PAMR1: variants seen among roughly 807,000 people sequenced by gnomAD.
PAMR1 encodes peptidase domain containing associated with muscle regeneration 1.
PAMR1 carries 88 observed loss-of-function variants against 81.8 expected under a neutral mutation model. The observed-to-expected ratio is 1.08, with a 90% CI of 0.91 to 1.28. The LOEUF is 1.28. Among genes scored for constraint, PAMR1 ranks in the 50% most tolerant of loss-of-function variants. The probability of loss-of-function intolerance (pLI) is 0.00; values close to 1 mark genes in which losing one functional copy is unlikely to be tolerated. For synonymous variants in PAMR1, 336 were observed against 345.3 expected (o/e 0.97, Z 0.30); for missense variants, 935 against 919.7 (o/e 1.02, Z -0.21).
Position 35,494,212 on chromosome 11 carries a change from C to A in PAMR1, c.134G>T (p.Cys45Phe). ...GCACTCAATCTGATCATATTCACAG[C>A]ACTCCCGACACATGATATTCCACTC... ...GAEWNIMCRE[C>F]CEYDQIECVC... The change falls in exon 2 of 11, where the codon TGC becomes TTC. Residue 45 changes from cysteine (C) to phenylalanine (F), a missense_variant. Coordinates refer to ENST00000619888, the MANE Select transcript of PAMR1 (RefSeq NM_001001991.3). 1 of 1,614,146 alleles carries A rather than the reference C, an allele frequency of 6.2e-7. No individual in the cohort carries two copies. Among genetic ancestry groups the A allele is most frequent in the South Asian group, 1.1e-5 (1 of 91,090 alleles).
At chr11:35,480,071 C>CTCCCCCT (rs1850358018) in intron 3 of PAMR1, among the ~76,000 whole-genome samples, 2 of 152,298 alleles carry the variant, frequency 1.3e-5, no homozygotes, top group East Asian at 3.9e-4. Context: ...TCCCCCATGA[C>CTCCCCCT]GCAGTTCCAC....
At chr11:35,455,918 A>G (rs1162517756) in intron 6 of PAMR1, among the ~76,000 whole-genome samples, 1 of 148,960 alleles carries the variant, frequency 6.7e-6, no homozygotes, top group Non-Finnish European at 1.5e-5. Flanking sequence ...AAAAAAAAAA[A>G]GATTTGGGGC....
chr11:35,524,813 A>G (rs7942841), intron 1 of PAMR1, among the ~76,000 whole-genome samples: 22,901 of 152,194 alleles, frequency 0.15, 2,159 homozygotes, highest in Admixed American at 0.25. Context: ...CCAGAAGCCC[A>G]TTTGACCTGG....
chr11:35,491,539 G>T (rs1850626143), intron 3 of PAMR1, among the ~76,000 whole-genome samples: 1 of 152,152 alleles, frequency 6.6e-6, no homozygotes, highest in Non-Finnish European at 1.5e-5. Context: ...AAGAACTGTT[G>T]AAACTCACAG....
At chr11:35,457,044 G>A (rs1397005155) in intron 6 of PAMR1, among the ~76,000 whole-genome samples, 2 of 152,160 alleles carry the variant, frequency 1.3e-5, no homozygotes, top group African/African-American at 2.4e-5. Context: ...GAAACAACTA[G>A]ATGGTGATCT....
chr11:35,432,130 C>A lies in PAMR1; in HGVS notation c.*226G>T. 1.8e-6 allele frequency: 1 copy of A among 556,754 alleles called. No individual in the cohort carries two copies. The highest frequency in any genetic ancestry group is 3.0e-5 in the East Asian group (1 of 33,882). The allele number at this position is 556,754 out of a possible 1,614,324, so 34.5% of individuals were successfully genotyped here. A position where few individuals can be genotyped will look rare whatever the true frequency, so the allele number is the denominator to read the frequency against. On this transcript the variant is annotated 3_prime_UTR_variant, in exon 11 of 11. Transcript: ENST00000619888. Reference sequence around the variant, plus strand: ...CTTCTTTGAAGAAACTTACTTCTTGCAAGCCCTGGCATCTTCCAATTGGCT... The same window carrying A: ...CTTCTTTGAAGAAACTTACTTCTTGAAAGCCCTGGCATCTTCCAATTGGCT...
At chr11:35,479,081 A>G (rs556692457) in intron 3 of PAMR1, among the ~76,000 whole-genome samples, 12 of 152,314 alleles carry the variant, frequency 7.9e-5, no homozygotes, top group African/African-American at 2.9e-4. Context: ...AGCCTCAGAC[A>G]AAAGTCTTCT....
chr11:35,486,488 G>T (rs915458428), intron 3 of PAMR1, among the ~76,000 whole-genome samples: 3 of 152,190 alleles, frequency 2.0e-5, no homozygotes, highest in Non-Finnish European at 2.9e-5. Flanking sequence ...CTTTTGACTG[G>T]ATGGGTAGAT....
At chr11:35,511,210 T>C (rs1851066716) in intron 1 of PAMR1, among the ~76,000 whole-genome samples, 1 of 152,206 alleles carries the variant, frequency 6.6e-6, no homozygotes, top group African/African-American at 2.4e-5. Flanking sequence ...AACTATCCAA[T>C]ACTGGTCCGT....
In PAMR1 at chr11:35,494,141, A is replaced by T; in HGVS notation, c.205T>A (p.Cys69Ser). ...TCACACTCATTCTCCTCATTCCTGC[A>T]GCAAGGGATGGTATAACCCACGACT... The part of the protein sequence containing the change: ...REVVGYTIPC[C>S]RNEENECDSC... Residue 69 changes from cysteine to serine, a missense_variant, in exon 2 of 11, where the codon TGC (cysteine) becomes AGC (serine). Cys to Ser is a moderately radical substitution (Grantham distance 112). Coordinates refer to ENST00000619888, the MANE Select transcript of PAMR1 (RefSeq NM_001001991.3). 6.2e-7 allele frequency: 1 copy of T among 1,614,144 alleles called. No homozygotes were observed. Among genetic ancestry groups the T allele is most frequent in the Non-Finnish European group, 8.5e-7 (1 of 1,179,970 alleles).
chr11:35,512,496 C>T (rs1851091393), intron 1 of PAMR1, among the ~76,000 whole-genome samples: 2 of 152,122 alleles, frequency 1.3e-5, no homozygotes, highest in African/African-American at 2.4e-5. Flanking sequence ...GAGTTCATGC[C>T]TCTGACTTTA....
At chr11:35,439,089 C>A (rs145248175) in intron 8 of PAMR1, among the ~76,000 whole-genome samples, 1 of 152,224 alleles carries the variant, frequency 6.6e-6, no homozygotes, top group Non-Finnish European at 1.5e-5. Context: ...AGGGGCTACT[C>A]CCTCCCCACC....
chr11:35,434,432 C>T, intron 10 of PAMR1, 80 bp downstream of exon 10: 1 of 1,398,648 alleles, frequency 7.1e-7, no homozygotes, highest in Non-Finnish European at 9.9e-7. Context: ...GGGGACAGAG[C>T]TTGGTATAAT....
At chr11:35,508,081 A>G (rs1851004054) in intron 1 of PAMR1, among the ~76,000 whole-genome samples, 1 of 152,144 alleles carries the variant, frequency 6.6e-6, no homozygotes, top group African/African-American at 2.4e-5. Flanking sequence ...TGTGGATGGT[A>G]GTCCTTTCTT....
In PAMR1 at chr11:35,477,916, C is replaced by T. The variant is rs187699114; in HGVS notation, c.380-3172G>A. On this transcript the variant is annotated intron_variant, in intron 3 of 10. Transcript: ENST00000619888. ...TCTGCACACCTCACACTCCTCATCG[C>T]CCCCATCTACCCATCTGCTGCTGGG... Among the ~76,000 whole-genome samples, 390 of 152,254 alleles carry T rather than the reference C, an allele frequency of 2.6e-3. 6 individuals carry two copies. The highest frequency in any genetic ancestry group is 1.9e-3 in the Non-Finnish European group (128 of 68,018).
intron 1 of PAMR1, among the ~76,000 whole-genome samples, chr11:35,496,253 A>G (rs1482119700): frequency 6.6e-6 from 1 of 152,228 alleles, no homozygotes; most frequent in Non-Finnish European, 1.5e-5. Flanking sequence ...GAGCAACAAA[A>G]TAAAAATGAA....
intron 1 of PAMR1, among the ~76,000 whole-genome samples, chr11:35,517,384 C>T (rs1040032566): frequency 1.3e-5 from 2 of 152,340 alleles, no homozygotes; most frequent in Non-Finnish European, 2.9e-5. Context: ...GCCCATGATT[C>T]TTAGACTTTC....
chr11:35,503,535 C>T (rs1052248769), intron 1 of PAMR1, among the ~76,000 whole-genome samples: 1 of 151,872 alleles, frequency 6.6e-6, no homozygotes, highest in African/African-American at 2.4e-5. Flanking sequence ...TTTTTGTGAC[C>T]TCTTTAATTT....
intron 8 of PAMR1, among the ~76,000 whole-genome samples, chr11:35,437,413 T>C (rs951758615): frequency 4.6e-5 from 7 of 152,236 alleles, no homozygotes; most frequent in African/African-American, 1.7e-4. Flanking sequence ...AAGAAATCTA[T>C]TTCATATACA....
Sources: allele counts gnomAD v4.1 joint callset (sites outside exome capture counted in the v4.1 genomes callset), GRCh38; gene constraint gnomAD v4.1.1; transcripts MANE v1.5; gene names NCBI Gene and HGNC (gene_info 2026-07-23, HGNC 2026-07-21).